The following GALNT17 variants were observed in gnomAD, a reference collection of about 807,000 sequenced individuals.
The protein encoded by GALNT17 is polypeptide N-acetylgalactosaminyltransferase 17.
In GALNT17, 29 loss-of-function variants were observed where a neutral mutation model predicts 63.7. The ratio of observed to expected loss-of-function variants is 0.46; its 90% CI spans 0.34 to 0.62. The LOEUF is 0.62. Among genes scored for constraint, GALNT17 ranks in the 20% least tolerant of loss-of-function variants. The pLI, the probability that GALNT17 is intolerant of heterozygous loss-of-function variation, is 0.01. For synonymous variants in GALNT17, 305 were observed against 318.3 expected (o/e 0.96, Z 0.45); for missense variants, 603 against 799.6 (o/e 0.75, Z 2.97).
intron 6 of GALNT17, among the ~76,000 whole-genome samples, chr7:71,619,810 G>T: frequency 6.6e-6 from 1 of 152,110 alleles, no homozygotes; most frequent in East Asian, 1.9e-4. Context: ...GCTCCAGCTA[G>T]GACTTCCAGT....
rs375277438 is a variant in GALNT17, at chr7:71,365,592, T to C, written c.423-22643T>C. Among the ~76,000 whole-genome samples the C allele has an allele frequency of 4.6e-5, 7 of 152,350 alleles. No individual in the cohort carries two copies. The East Asian group carries it at 1.4e-3, about 29-fold the overall frequency. ...CCATCACTCCCTCCACAGCTCAGCA[T>C]AGTAAGCACTGTATTGAAATGTGCA... On this transcript the variant is annotated intron_variant, in intron 2 of 10. Coordinates refer to ENST00000333538, the MANE Select transcript of GALNT17 (RefSeq NM_022479.3).
At chr7:71,568,337 A>C (rs906960387) in intron 5 of GALNT17, among the ~76,000 whole-genome samples, 3 of 152,200 alleles carry the variant, frequency 2.0e-5, no homozygotes, top group African/African-American at 7.2e-5. Flanking sequence ...GTGGCAGTGC[A>C]TACACGAGAT....
At chr7:71,614,618 CAAAA>C (rs933581303) in intron 6 of GALNT17, among the ~76,000 whole-genome samples, 1 of 138,942 alleles carries the variant, frequency 7.2e-6, no homozygotes, top group East Asian at 2.1e-4. Context: ...GACCTTTTCT[CAAAA>C]AAAGAAAGGA....
intron 3 of GALNT17, among the ~76,000 whole-genome samples, chr7:71,397,379 T>A (rs1251777053): frequency 1.3e-5 from 2 of 152,088 alleles, no homozygotes; most frequent in African/African-American, 4.8e-5. Flanking sequence ...TCTGATCTTA[T>A]CAAGACCTAC....
intron 9 of GALNT17, among the ~76,000 whole-genome samples, chr7:71,688,947 C>T (rs1423500956): frequency 6.6e-6 from 1 of 152,150 alleles, no homozygotes; most frequent in Non-Finnish European, 1.5e-5. Context: ...TCCAACAGCA[C>T]CTGCTCACTT....
chr7:71,511,024 A>G (rs1275325195), intron 5 of GALNT17, among the ~76,000 whole-genome samples: 1 of 151,980 alleles, frequency 6.6e-6, no homozygotes, highest in African/African-American at 2.4e-5. Context: ...AATAATAATA[A>G]TGATAGAATT....
At chr7:71,251,739 A>G (rs960514033) in intron 1 of GALNT17, among the ~76,000 whole-genome samples, 6 of 152,162 alleles carry the variant, frequency 3.9e-5, no homozygotes, top group Non-Finnish European at 8.8e-5. Context: ...TTGGACCTAT[A>G]TCGGATTGTC....
intron 1 of GALNT17, among the ~76,000 whole-genome samples, chr7:71,275,410 A>G (rs1389432724): frequency 6.6e-6 from 1 of 152,130 alleles, no homozygotes. Context: ...TGGAAAAAAG[A>G]AAAAAGAAAT....
intron 9 of GALNT17, among the ~76,000 whole-genome samples, chr7:71,699,261 C>T (rs746431104): frequency 1.3e-4 from 20 of 150,374 alleles, no homozygotes; most frequent in Middle Eastern, 3.3e-3. Context: ...CGGTGGATCA[C>T]GAGGTCAAGA....
intron 1 of GALNT17, among the ~76,000 whole-genome samples, chr7:71,205,660 T>C (rs1053248419): frequency 6.6e-6 from 1 of 152,100 alleles, no homozygotes; most frequent in Non-Finnish European, 1.5e-5. Context: ...TTTTTGATGC[T>C]ACTGTAAATG....
At chr7:71,427,506 G>C (rs1314088337) in intron 5 of GALNT17, among the ~76,000 whole-genome samples, 1 of 152,036 alleles carries the variant, frequency 6.6e-6, no homozygotes, top group Non-Finnish European at 1.5e-5. Flanking sequence ...TGAACCTCCA[G>C]GTTGCTTTTT....
intron 5 of GALNT17, among the ~76,000 whole-genome samples, chr7:71,554,619 T>A (rs1334589179): frequency 6.6e-6 from 1 of 152,178 alleles, no homozygotes; most frequent in Non-Finnish European, 1.5e-5. Flanking sequence ...CACTCCACCA[T>A]TCCTGCCCCA....
At chr7:71,225,915 A>G (rs1181416043) in intron 1 of GALNT17, among the ~76,000 whole-genome samples, 2 of 152,228 alleles carry the variant, frequency 1.3e-5, no homozygotes, top group Non-Finnish European at 2.9e-5. Flanking sequence ...AAAAAAAGAG[A>G]CAAGTTATAT....
chr7:71,217,945 A>G (rs772649909), intron 1 of GALNT17, among the ~76,000 whole-genome samples: 8 of 150,444 alleles, frequency 5.3e-5, no homozygotes, highest in Non-Finnish European at 1.2e-4. Context: ...AAAAAATTCA[A>G]TAATAGGGAA....
rs148181982 is a variant in GALNT17, at chr7:71,247,964, C to T, written c.239-87586C>T. Among the ~76,000 whole-genome samples, 142 of 152,280 alleles carry T rather than the reference C, an allele frequency of 9.3e-4. 1 individual carries two copies. The highest frequency in any genetic ancestry group is 3.3e-3 in the African/African-American group (137 of 41,556). Reference sequence around the variant, plus strand: ...ATTGTCATAAAGTTTTCATCTTCATCGCCTTCACATTGAGTAGGCTGAGGA... The same window carrying T: ...ATTGTCATAAAGTTTTCATCTTCATTGCCTTCACATTGAGTAGGCTGAGGA... On this transcript the variant is annotated intron_variant, in intron 1 of 10. Coordinates refer to ENST00000333538, the MANE Select transcript of GALNT17 (RefSeq NM_022479.3).
intron 2 of GALNT17, among the ~76,000 whole-genome samples, chr7:71,370,395 C>T (rs1017258656): frequency 6.6e-6 from 1 of 152,114 alleles, no homozygotes; most frequent in Admixed American, 6.6e-5. Context: ...AACTCCTGGG[C>T]TCAAGCGATC....
At chr7:71,222,355 CGAT>C (rs1789602446) in intron 1 of GALNT17, among the ~76,000 whole-genome samples, 1 of 152,080 alleles carries the variant, frequency 6.6e-6, no homozygotes, top group African/African-American at 2.4e-5. Context: ...TACAGTGGCT[CGAT>C]CTCGGCTCAC....
chr7:71,319,435 T>C (rs1244889316), intron 1 of GALNT17, among the ~76,000 whole-genome samples: 1 of 152,156 alleles, frequency 6.6e-6, no homozygotes, highest in African/African-American at 2.4e-5. Context: ...TTCTATCAGT[T>C]GGTGTGTCCA....
intron 2 of GALNT17, among the ~76,000 whole-genome samples, chr7:71,362,506 C>T (rs1305187752): frequency 6.6e-6 from 1 of 152,146 alleles, no homozygotes; most frequent in African/African-American, 2.4e-5. Flanking sequence ...TTGCAGAGTG[C>T]TTGGTTCGCT....
Sources: gnomAD v4.1 joint callset for allele counts (sites outside exome capture counted in the v4.1 genomes callset) on GRCh38, gnomAD v4.1.1 for gene constraint, MANE v1.5 for transcripts, NCBI Gene and HGNC (gene_info 2026-07-23, HGNC 2026-07-21) for gene names.